Variants in SOX5 observed in about 807,000 individuals in gnomAD.
SOX5 encodes SRY-box transcription factor 5.
In SOX5, 9 loss-of-function variants were observed where a neutral mutation model predicts 92.0. That is an observed-to-expected ratio of 0.10 (90% CI 0.06 to 0.17). The LOEUF is 0.17. SOX5 is among the 10% of genes least tolerant of loss of function. The pLI is 1.00. For missense variants in SOX5, 642 were observed against 944.5 expected, an observed-to-expected ratio of 0.68 and a Z score of 4.20; for synonymous variants, 344 against 336.3, an observed-to-expected ratio of 1.02 and a Z score of -0.25.
At chr12:24,283,518 C>A (rs1160979319) in intron 2 of SOX5, among the ~76,000 whole-genome samples, 2 of 152,166 alleles carry the variant, frequency 1.3e-5, no homozygotes, top group Non-Finnish European at 2.9e-5. Context: ...CACAACCATA[C>A]CTGGTAGTCC....
intron 4 of SOX5, among the ~76,000 whole-genome samples, chr12:24,096,791 T>C (rs1945467727): frequency 1.3e-5 from 2 of 152,178 alleles, no homozygotes; most frequent in African/African-American, 4.8e-5. Flanking sequence ...TGTGTGTGTG[T>C]GTTCTCATAA....
chr12:23,866,919 C>A (rs11047138), intron 2 of SOX5, among the ~76,000 whole-genome samples: 2 of 152,044 alleles, frequency 1.3e-5, no homozygotes, highest in Non-Finnish European at 2.9e-5. Flanking sequence ...TCAGGAAAAA[C>A]TTGGAACTCT....
intron 11 of SOX5, among the ~76,000 whole-genome samples, chr12:23,557,551 G>A (rs1249132066): frequency 6.6e-6 from 1 of 152,168 alleles, no homozygotes; most frequent in Non-Finnish European, 1.5e-5. Context: ...AAATACAGAA[G>A]TTGGTCTTAA....
At chr12:23,929,019 AGT>A (rs1491169305) in intron 1 of SOX5, among the ~76,000 whole-genome samples, 1 of 122,248 alleles carries the variant, frequency 8.2e-6, no homozygotes, top group Non-Finnish European at 1.9e-5. Context: ...CTGCTCTGGT[AGT>A]GTTTTTTTAA....
chr12:23,920,048 T>C (rs892473962), intron 1 of SOX5: 1 of 152,150 alleles, frequency 6.6e-6, no homozygotes, highest in Non-Finnish European at 1.5e-5. Flanking sequence ...TCCACAGTCC[T>C]ATTGCCAAAC....
intron 1 of SOX5, among the ~76,000 whole-genome samples, chr12:24,476,009 A>AAG (rs1945342287): frequency 6.6e-6 from 1 of 151,280 alleles, no homozygotes; most frequent in African/African-American, 2.5e-5. Context: ...AAAAAAAAAA[A>AAG]AAAAAGCAGA....
intron 1 of SOX5, among the ~76,000 whole-genome samples, chr12:24,494,397 C>A (rs1378394992): frequency 1.3e-5 from 2 of 152,170 alleles, no homozygotes; most frequent in Non-Finnish European, 2.9e-5. Context: ...ATAATAATAC[C>A]TTTGAAAATT....
intron 4 of SOX5, among the ~76,000 whole-genome samples, chr12:23,971,324 G>A (rs923846606): frequency 4.6e-5 from 7 of 151,072 alleles, no homozygotes; most frequent in Admixed American, 1.3e-4. Flanking sequence ...GGATTTTACC[G>A]TGTTAGCCAG....
chr12:24,415,938 G>T (rs1190497529), intron 1 of SOX5, among the ~76,000 whole-genome samples: 10 of 152,314 alleles, frequency 6.6e-5, no homozygotes, highest in Non-Finnish European at 1.3e-4. Context: ...CAAAACACAG[G>T]TTGTGCGTCA....
intron 1 of SOX5, among the ~76,000 whole-genome samples, chr12:24,506,808 G>A (rs866192066): frequency 0.026 from 538 of 21,082 alleles, 8 homozygotes; most frequent in African/African-American, 0.11. Flanking sequence ...TTTTTTTTTG[G>A]AGACGGGAGT....
intron 3 of SOX5, among the ~76,000 whole-genome samples, chr12:23,801,663 T>TAAAAAG (rs1470542180): frequency 1.3e-5 from 2 of 152,206 alleles, no homozygotes; most frequent in Non-Finnish European, 2.9e-5. Flanking sequence ...TTCTCCACTT[T>TAAAAAG]TTAACATTAT....
At chr12:24,384,413 G>A (rs1958153861) in intron 1 of SOX5, among the ~76,000 whole-genome samples, 2 of 152,188 alleles carry the variant, frequency 1.3e-5, no homozygotes, top group South Asian at 4.1e-4. Context: ...AGGGACTGGG[G>A]ACTCCTGCCT....
At chr12:23,605,191 C>T (rs1468021250) in intron 8 of SOX5, among the ~76,000 whole-genome samples, 1 of 152,018 alleles carries the variant, frequency 6.6e-6, no homozygotes, top group African/African-American at 2.4e-5. Flanking sequence ...CTGCCTAAAA[C>T]ACATATTCTT....
At chr12:24,337,769 T>C (rs1952074519) in intron 2 of SOX5, among the ~76,000 whole-genome samples, 1 of 152,208 alleles carries the variant, frequency 6.6e-6, no homozygotes, top group South Asian at 2.1e-4. Flanking sequence ...AAGGAAATTT[T>C]TGCTAATACG....
Position 24,007,770 on chromosome 12 carries a change from T to TATATATATAAATGTATATAA in SOX5, c.-1-111747_-1-111746insTTATATACATTTATATATAT, listed in dbSNP as rs1463937835. ...TTATGTATATAAATGTATATAAATG[T>TATATATATAAATGTATATAA]ATTTATATATACACATACGCACGCA... On this transcript the variant is annotated intron_variant, in intron 4 of 4. Coordinates refer to the SOX5 transcript ENST00000446891. Among the ~76,000 whole-genome samples the TATATATATAAATGTATATAA allele has an allele frequency of 1.6e-4, 15 of 91,160 alleles. 1 individual carries two copies. The highest frequency in any genetic ancestry group is 6.1e-4 in the African/African-American group (15 of 24,528). The allele number at this position is 91,160 out of a possible 152,430, so 59.8% of individuals were successfully genotyped here.
intron 6 of SOX5, among the ~76,000 whole-genome samples, chr12:23,721,460 G>A (rs1003621440): frequency 7.9e-5 from 12 of 151,874 alleles, no homozygotes; most frequent in African/African-American, 2.4e-4. Context: ...GAGGTCAGTA[G>A]CTTATCCGAG....
rs572602883 is a variant in SOX5, at chr12:24,122,449, G to A, written c.-2+90894C>T. 9.9e-5 allele frequency among the ~76,000 whole-genome samples: 15 copies of A among 152,282 alleles called. 1 individual carries two copies. In the South Asian group the frequency reaches 2.7e-3, roughly 27 times the overall value. On this transcript the variant is annotated intron_variant, in intron 4 of 4. Coordinates refer to the SOX5 transcript ENST00000446891. ...TTATTATGAGCATGTTTTTAAGAAG[G>A]GGACGGTTAGGATTCAAGACAAACT...
At chr12:24,417,695 T>C (rs1476930288) in intron 1 of SOX5, among the ~76,000 whole-genome samples, 3 of 152,148 alleles carry the variant, frequency 2.0e-5, no homozygotes, top group East Asian at 1.9e-4. Flanking sequence ...GAAGTAATCA[T>C]TGAGCTGGGT....
intron 4 of SOX5, among the ~76,000 whole-genome samples, chr12:24,184,996 G>T (rs568552956): frequency 4.6e-5 from 7 of 152,114 alleles, no homozygotes; most frequent in African/African-American, 1.7e-4. Flanking sequence ...GCTACATTTT[G>T]CAGAGTAGTG....
Sources: allele counts gnomAD v4.1 joint callset (sites outside exome capture counted in the v4.1 genomes callset), GRCh38; gene constraint gnomAD v4.1.1; transcripts MANE v1.5; gene names NCBI Gene and HGNC (gene_info 2026-07-23, HGNC 2026-07-21).